Variants in DOCK5 observed in about 807,000 individuals in gnomAD.
DOCK5 encodes dedicator of cytokinesis protein 5.
In DOCK5, 142 loss-of-function variants were observed where a neutral mutation model predicts 251.8. The ratio of observed to expected loss-of-function variants is 0.56; its 90% CI spans 0.49 to 0.65. The LOEUF is 0.65. DOCK5 is among the 30% of genes least tolerant of loss of function. The pLI is 0.00. For missense variants in DOCK5, 2,111 were observed against 2,312.3 expected (o/e 0.91, Z 1.79); for synonymous variants, 842 against 835.5 (o/e 1.01, Z -0.13).
intron 18 of DOCK5, among the ~76,000 whole-genome samples, chr8:25,326,495 G>A (rs1050886699): frequency 6.6e-6 from 1 of 152,096 alleles, no homozygotes; most frequent in African/African-American, 2.4e-5. Flanking sequence ...TGAAGTTTAG[G>A]GCTAATCCGT....
intron 1 of DOCK5, among the ~76,000 whole-genome samples, chr8:25,195,251 C>CG (rs1801692279): frequency 4.7e-5 from 5 of 106,232 alleles, no homozygotes; most frequent in Admixed American, 3.0e-4. Context: ...CTCCTTATCA[C>CG]TTTTTTTTTT....
chr8:25,347,421 G>T (rs1800389656), intron 26 of DOCK5, among the ~76,000 whole-genome samples: 1 of 152,014 alleles, frequency 6.6e-6, no homozygotes, highest in Non-Finnish European at 1.5e-5. Context: ...TATGTTTATA[G>T]AAACCACATT....
At chr8:25,233,469 T>G (rs2117524622) in intron 1 of DOCK5, among the ~76,000 whole-genome samples, 1 of 152,330 alleles carries the variant, frequency 6.6e-6, no homozygotes, top group Non-Finnish European at 1.5e-5. Flanking sequence ...TGTGTACTTG[T>G]CTTTGATGCT....
intron 18 of DOCK5, among the ~76,000 whole-genome samples, chr8:25,326,056 A>G (rs1195948294): frequency 1.3e-5 from 2 of 152,162 alleles, no homozygotes; most frequent in African/African-American, 4.8e-5. Flanking sequence ...GAATAGTTCA[A>G]AGAGGGATTC....
chr8:25,291,713 C>T (rs1057214774), intron 5 of DOCK5, among the ~76,000 whole-genome samples: 36 of 141,424 alleles, frequency 2.5e-4, no homozygotes, highest in African/African-American at 9.3e-4. Context: ...CCAGGCCAGG[C>T]GTGGTGGCTC....
chr8:25,250,705 AG>A (rs1161524410), intron 2 of DOCK5, among the ~76,000 whole-genome samples: 2 of 152,182 alleles, frequency 1.3e-5, no homozygotes, highest in African/African-American at 4.8e-5. Context: ...TTTACATTGG[AG>A]GGATAGACAA....
chr8:25,226,993 T>G (rs1054115770), intron 1 of DOCK5, among the ~76,000 whole-genome samples: 2 of 152,264 alleles, frequency 1.3e-5, no homozygotes, highest in Non-Finnish European at 2.9e-5. Context: ...GTGTGTACCA[T>G]GATTTATTTC....
chr8:25,348,195 G>T (rs1478820121), intron 26 of DOCK5, among the ~76,000 whole-genome samples: 1 of 151,806 alleles, frequency 6.6e-6, no homozygotes, highest in African/African-American at 2.4e-5. Context: ...TGTTCTTCCT[G>T]CCTTTTGTTT....
chr8:25,274,153 A>G (rs990741553), intron 3 of DOCK5, among the ~76,000 whole-genome samples: 7 of 152,244 alleles, frequency 4.6e-5, no homozygotes, highest in African/African-American at 1.7e-4. Flanking sequence ...AGCACATGCA[A>G]CTGGACACAA....
chr8:25,372,472 A>G (rs2117286541), intron 34 of DOCK5, 87 bp from the exon 35 acceptor site: 1 of 1,376,992 alleles, frequency 7.3e-7, no homozygotes, highest in Non-Finnish European at 9.6e-7. Flanking sequence ...TGCCCCAGCC[A>G]CTGCTGAGAC....
intron 48 of DOCK5, 30 bp from the exon 49 acceptor site, chr8:25,407,953 G>T (rs745324696): frequency 6.3e-7 from 1 of 1,597,104 alleles, no homozygotes; most frequent in Non-Finnish European, 8.5e-7. Flanking sequence ...ATCAGTATTT[G>T]TGATGTTTGT....
At chr8:25,386,831 G>A (rs997923369) in intron 40 of DOCK5, among the ~76,000 whole-genome samples, 101 of 152,160 alleles carry the variant, frequency 6.6e-4, no homozygotes, top group African/African-American at 1.7e-3. Context: ...CCTGCTGAGC[G>A]AGTGTGCAAT....
chr8:25,359,048 G>T lies in DOCK5; in HGVS notation c.2936G>T (p.Arg979Ile). The change falls in exon 28 of 52, where the codon AGA becomes ATA. Residue 979 changes from arginine to isoleucine, a missense_variant. By Grantham distance (97) the Arg-to-Ile change is moderately conservative. This residue lies in a region of DOCK5 where 1,717 missense variants were observed against 1,892.4 expected (regional missense o/e 0.91). Coordinates refer to ENST00000276440, the MANE Select transcript of DOCK5 (RefSeq NM_024940.8). The stretch of plus-strand genomic sequence containing the variant: ...CACTACATCAGCACTTTCAAAACCA[G>T]ACAAGACATCATCGTAAGTTGCCTT... ...YSHYISTFKT[R>I]QDIIDFLMET... 1 of 1,613,942 alleles carries T rather than the reference G, an allele frequency of 6.2e-7. No homozygotes were observed. The highest frequency in any genetic ancestry group is 8.5e-7 in the Non-Finnish European group (1 of 1,179,830).
At chr8:25,319,766 T>C (rs1327033960) in intron 15 of DOCK5, 90 bp downstream of exon 15, 26 of 949,700 alleles carry the variant, frequency 2.7e-5, no homozygotes, top group Non-Finnish European at 3.9e-5. Flanking sequence ...TCCTACTTTA[T>C]TTTGAAATTT....
intron 36 of DOCK5, among the ~76,000 whole-genome samples, chr8:25,373,960 A>G (rs529106186): frequency 2.6e-5 from 4 of 152,336 alleles, no homozygotes; most frequent in Non-Finnish European, 4.4e-5. Flanking sequence ...CAAGAGTCTT[A>G]GCTTGAAGTC....
At chr8:25,319,130 G>A (rs1032521279) in intron 14 of DOCK5, among the ~76,000 whole-genome samples, 1 of 152,166 alleles carries the variant, frequency 6.6e-6, no homozygotes, top group Non-Finnish European at 1.5e-5. Flanking sequence ...GCAGCCCTGA[G>A]TTGAGTGAAT....
At chr8:25,292,890 C>T (rs1804530644) in intron 6 of DOCK5, among the ~76,000 whole-genome samples, 2 of 152,158 alleles carry the variant, frequency 1.3e-5, no homozygotes, top group Non-Finnish European at 2.9e-5. Flanking sequence ...TCCCCCTAAC[C>T]GGGACCATTG....
chr8:25,249,884 G>A (rs958000069), intron 2 of DOCK5, among the ~76,000 whole-genome samples: 5 of 152,198 alleles, frequency 3.3e-5, no homozygotes, highest in Admixed American at 3.3e-4. Context: ...TTATAGGCAT[G>A]AGCCACTGCA....
At chr8:25,232,517 G>T (rs1046319998) in intron 1 of DOCK5, among the ~76,000 whole-genome samples, 2 of 152,190 alleles carry the variant, frequency 1.3e-5, no homozygotes, top group East Asian at 1.9e-4. Context: ...CAAGGTCAAG[G>T]TTCCAGCATT....
Sources: gnomAD v4.1 joint callset for allele counts (sites outside exome capture counted in the v4.1 genomes callset) on GRCh38, gnomAD v4.1.1 for gene constraint, gnomAD v4.1.1 regional missense constraint, MANE v1.5 for transcripts, NCBI Gene and HGNC (gene_info 2026-07-23, HGNC 2026-07-21) for gene names.